The following RPH3A variants were observed in gnomAD, a reference collection of about 807,000 sequenced individuals.
RPH3A encodes the protein rabphilin-3A.
RPH3A carries 48 observed loss-of-function variants against 102.2 expected under a neutral mutation model. The ratio of observed to expected loss-of-function variants is 0.47; its 90% confidence interval spans 0.37 to 0.60. The LOEUF (loss-of-function observed/expected upper bound fraction) is 0.60, where lower values mean the gene tolerates loss of function less well. RPH3A is among the 20% of genes least tolerant of loss of function. RPH3A has a pLI of 0.00. For missense variants in RPH3A, 781 were observed against 910.1 expected (o/e 0.86, Z 1.83); for synonymous variants, 310 against 324.3 (o/e 0.96, Z 0.47).
At chr12:112,823,715 C>T (rs2041820446) in intron 2 of RPH3A, among the ~76,000 whole-genome samples, 1 of 152,054 alleles carries the variant, frequency 6.6e-6, no homozygotes, top group Non-Finnish European at 1.5e-5. Context: ...GCTCCCTGGG[C>T]CTCAGGCCTC....
chr12:112,777,140 G>C (rs1157467013), intron 1 of RPH3A, among the ~76,000 whole-genome samples: 1 of 152,158 alleles, frequency 6.6e-6, no homozygotes, highest in Non-Finnish European at 1.5e-5. Flanking sequence ...TTTATGCAGA[G>C]ATAATATTAG....
intron 1 of RPH3A, among the ~76,000 whole-genome samples, chr12:112,590,489 C>A (rs1177818188): frequency 2.6e-5 from 4 of 152,180 alleles, no homozygotes; most frequent in Admixed American, 2.6e-4. Context: ...TAGCACAGCC[C>A]CTCCTCATTC....
intron 2 of RPH3A, among the ~76,000 whole-genome samples, chr12:112,819,385 G>A (rs999839): frequency 0.021 from 3,177 of 152,198 alleles, 138 homozygotes; most frequent in Admixed American, 0.11. Context: ...GGGATTACAG[G>A]TGTGAGCCAC....
chr12:112,834,854 A>G (rs1266961697), intron 3 of RPH3A, among the ~76,000 whole-genome samples: 1 of 151,394 alleles, frequency 6.6e-6, no homozygotes, highest in Non-Finnish European at 1.5e-5. Flanking sequence ...CCTTGTGGAT[A>G]TACATGTTAC....
chr12:112,784,844 G>A (rs1221891763), intron 1 of RPH3A, among the ~76,000 whole-genome samples: 1 of 152,228 alleles, frequency 6.6e-6, no homozygotes, highest in African/African-American at 2.4e-5. Context: ...CTTGGGAGAC[G>A]AAAGGTTCTA....
chr12:112,653,783 CAA>C (rs1332895124), intron 1 of RPH3A, among the ~76,000 whole-genome samples: 1 of 152,154 alleles, frequency 6.6e-6, no homozygotes, highest in African/African-American at 2.4e-5. Flanking sequence ...TGTGAAAACA[CAA>C]AGACATTGTT....
At chr12:112,882,517 G>A (rs115950796) in intron 15 of RPH3A, among the ~76,000 whole-genome samples, 1 of 152,192 alleles carries the variant, frequency 6.6e-6, no homozygotes, top group Non-Finnish European at 1.5e-5. Flanking sequence ...ACCCCTGCAA[G>A]TACCAAATGC....
chr12:112,639,132 C>T (rs1442002111), intron 1 of RPH3A, among the ~76,000 whole-genome samples: 2 of 152,168 alleles, frequency 1.3e-5, no homozygotes, highest in African/African-American at 4.8e-5. Flanking sequence ...GACTCCAAGG[C>T]CAGTGGTTTA....
chr12:112,585,738 A>G (rs1320624637), intron 1 of RPH3A, among the ~76,000 whole-genome samples: 1 of 152,074 alleles, frequency 6.6e-6, no homozygotes. Flanking sequence ...CTCTGTCTCA[A>G]AGAAAAAAAA....
intron 1 of RPH3A, among the ~76,000 whole-genome samples, chr12:112,576,998 C>T (rs879559927): frequency 3.4e-5 from 5 of 145,032 alleles, no homozygotes; most frequent in Non-Finnish European, 4.4e-5. Flanking sequence ...CTTGACCTCC[C>T]GGGCTCAAGC....
chr12:112,788,118 G>A (rs914008135), upstream of RPH3A, among the ~76,000 whole-genome samples: 8 of 152,220 alleles, frequency 5.3e-5, no homozygotes, highest in African/African-American at 1.2e-4. Flanking sequence ...AGAAGCACCC[G>A]GGACAGAAGA....
At chr12:112,850,674 T>A (rs2042308346) in intron 5 of RPH3A, 1 of 152,242 alleles carries the variant, frequency 6.6e-6, no homozygotes, top group East Asian at 1.9e-4. Context: ...AAACCTGCCC[T>A]GATTCCTGTT....
At chr12:112,879,641 T>A (rs897677681) in intron 14 of RPH3A, among the ~76,000 whole-genome samples, 4 of 152,196 alleles carry the variant, frequency 2.6e-5, no homozygotes, top group African/African-American at 4.8e-5. Flanking sequence ...ACAGGGACAC[T>A]AATATGGGCT....
intron 1 of RPH3A, among the ~76,000 whole-genome samples, chr12:112,771,137 T>A (rs558090216): frequency 5.3e-4 from 81 of 152,352 alleles, no homozygotes; most frequent in African/African-American, 1.9e-3. Flanking sequence ...TCCAGTCTCG[T>A]ATGTGTCCTG....
At chr12:112,695,682 G>A (rs1397130654) in intron 1 of RPH3A, among the ~76,000 whole-genome samples, 3 of 152,354 alleles carry the variant, frequency 2.0e-5, no homozygotes, top group African/African-American at 2.4e-5. Context: ...GAGGTTAAGA[G>A]ATTGGCCCAA....
chr12:112,781,939 A>T (rs1378262818), intron 1 of RPH3A, among the ~76,000 whole-genome samples: 1 of 152,236 alleles, frequency 6.6e-6, no homozygotes, highest in African/African-American at 2.4e-5. Flanking sequence ...CATTGCTGAT[A>T]ACTAAACATG....
intron 1 of RPH3A, among the ~76,000 whole-genome samples, chr12:112,698,028 C>G (rs1374899846): frequency 2.0e-5 from 3 of 152,014 alleles, no homozygotes; most frequent in Non-Finnish European, 4.4e-5. Context: ...TAAAGAGCTA[C>G]AGTAGTCAAT....
rs190337108 is a variant in RPH3A, at chr12:112,821,943, G to A, written c.-18-6358G>A. 2.2e-3 allele frequency among the ~76,000 whole-genome samples: 338 copies of A among 150,726 alleles called. 2 individuals carry two copies. The highest frequency in any genetic ancestry group is 6.4e-3 in the African/African-American group (262 of 40,906). ...ATCTGTGTTTTTAATTAAATCCTGC[G>A]CTTTTAAGATATTGATTGAATTTTA... is the stretch of plus-strand genomic sequence containing the variant. On this transcript the variant is annotated intron_variant, in intron 2 of 21. Coordinates refer to ENST00000389385, the MANE Select transcript of RPH3A (RefSeq NM_001143854.2).
intron 5 of RPH3A, among the ~76,000 whole-genome samples, chr12:112,863,408 C>T (rs559816124): frequency 6.6e-6 from 1 of 152,344 alleles, no homozygotes; most frequent in East Asian, 1.9e-4. Flanking sequence ...ACCTCCGCCT[C>T]CTGGGTCCAA....
Sources: allele counts gnomAD v4.1 joint callset (sites outside exome capture counted in the v4.1 genomes callset), GRCh38; gene constraint gnomAD v4.1.1; transcripts MANE v1.5; gene names NCBI Gene and HGNC (gene_info 2026-07-23, HGNC 2026-07-21).